The following KCNC2 variants were observed in gnomAD, a reference collection of about 807,000 sequenced individuals.
KCNC2 encodes potassium voltage-gated channel subfamily C member 2.
KCNC2 carries 21 observed loss-of-function variants against 44.5 expected under a neutral mutation model. The ratio of observed to expected loss-of-function variants is 0.47; its 90% CI spans 0.33 to 0.68. The LOEUF (loss-of-function observed/expected upper bound fraction) is 0.68, where lower values mean the gene tolerates loss of function less well. KCNC2 is among the 30% of genes least tolerant of loss of function. The pLI, the probability that KCNC2 is intolerant of heterozygous loss-of-function variation, is 0.01. For synonymous variants in KCNC2, 391 were observed against 339.1 expected (o/e 1.15, Z -1.68); for missense variants, 589 against 826.2 (o/e 0.71, Z 3.52).
chr12:75,135,893 A>C (rs1377947104), intron 2 of KCNC2, among the ~76,000 whole-genome samples: 1 of 152,016 alleles, frequency 6.6e-6, no homozygotes, highest in African/African-American at 2.4e-5. Context: ...CTAATTTAGC[A>C]TGGTTTTCCC....
intron 2 of KCNC2, among the ~76,000 whole-genome samples, chr12:75,065,136 A>T (rs909107545): frequency 1.3e-5 from 2 of 152,060 alleles, no homozygotes; most frequent in Non-Finnish European, 2.9e-5. Context: ...TGGTTTCCTT[A>T]TAAGTTAGCA....
Position 75,042,561 on chromosome 12 carries a change from T to C in KCNC2, c.*544A>G, listed in dbSNP as rs1290936954. 5 of 1,393,894 alleles carry C rather than the reference T, an allele frequency of 3.6e-6. No individual in the cohort carries two copies. Among genetic ancestry groups the C allele is most frequent in the Admixed American group, 3.0e-5 (1 of 33,782 alleles). 86.3% of individuals were successfully genotyped at this position (1,393,894 alleles called of 1,614,324 possible). ...GCAGAACAGTCGACCAATGCTTTCA[T>C]ATCAGCAGGATGGTTCGATGCAAGT... is the stretch of plus-strand genomic sequence containing the variant. On this transcript the variant is annotated 3_prime_UTR_variant, in exon 5 of 5. Coordinates refer to ENST00000549446, the MANE Select transcript of KCNC2 (RefSeq NM_139137.4).
At chr12:75,175,359 A>G (rs1306885374) in intron 2 of KCNC2, among the ~76,000 whole-genome samples, 2 of 152,038 alleles carry the variant, frequency 1.3e-5, no homozygotes, top group African/African-American at 4.8e-5. Flanking sequence ...ATCATTAGGG[A>G]ATGGCAAATA....
chr12:75,052,605 G>T (rs1881297906), intron 2 of KCNC2, among the ~76,000 whole-genome samples: 1 of 152,082 alleles, frequency 6.6e-6, no homozygotes, highest in African/African-American at 2.4e-5. Flanking sequence ...CAAGCGGAGG[G>T]AGGTTCTTAC....
chr12:75,191,183 A>G (rs1181041284), intron 2 of KCNC2, among the ~76,000 whole-genome samples: 1 of 151,896 alleles, frequency 6.6e-6, no homozygotes, highest in Non-Finnish European at 1.5e-5. Flanking sequence ...TTACTTTTTG[A>G]GATCTAAAAC....
chr12:75,174,704 G>A (rs1892063561), intron 2 of KCNC2, among the ~76,000 whole-genome samples: 1 of 151,804 alleles, frequency 6.6e-6, no homozygotes, highest in Non-Finnish European at 1.5e-5. Flanking sequence ...TGTGTCTTCT[G>A]AGTTGTAAGA....
chr12:75,097,597 C>T (rs1179232609), intron 2 of KCNC2, among the ~76,000 whole-genome samples: 1 of 151,996 alleles, frequency 6.6e-6, no homozygotes, highest in Non-Finnish European at 1.5e-5. Context: ...AATAAATTTT[C>T]TATTTTTCTA....
At chr12:75,176,499 T>C (rs1593031922) in intron 2 of KCNC2, among the ~76,000 whole-genome samples, 2 of 151,956 alleles carry the variant, frequency 1.3e-5, no homozygotes, top group South Asian at 2.1e-4. Context: ...TTTAATTCAC[T>C]ACTCTTCCCC....
intron 2 of KCNC2, among the ~76,000 whole-genome samples, chr12:75,200,530 A>T (rs1012936415): frequency 2.0e-5 from 3 of 151,822 alleles, no homozygotes; most frequent in Non-Finnish European, 4.4e-5. Context: ...TCTTACCCAC[A>T]TACAAATTTT....
chr12:75,044,019 T>C (rs1203653059), intron 4 of KCNC2, among the ~76,000 whole-genome samples: 3 of 152,004 alleles, frequency 2.0e-5, no homozygotes, highest in African/African-American at 4.8e-5. Context: ...TTGTTCATGA[T>C]AGCTACGAAC....
chr12:75,041,939 G>A lies in KCNC2; in HGVS notation c.*1166C>T, dbSNP rs1879951581. ...ATTTCTGTGCTTCATGGAGACAGATGGCATATACAGGAAAGACAGGGAGCT... is the reference window on the plus strand; with the variant it reads ...ATTTCTGTGCTTCATGGAGACAGATAGCATATACAGGAAAGACAGGGAGCT... On this transcript the variant is annotated 3_prime_UTR_variant, in exon 5 of 5. Transcript: ENST00000549446. 1 of 1,002,992 alleles carries A rather than the reference G, an allele frequency of 1.0e-6. No individual in the cohort carries two copies. The highest frequency in any genetic ancestry group is 1.2e-6 in the Non-Finnish European group (1 of 842,036). The allele number at this position is 1,002,992 out of a possible 1,614,324, so 62.1% of individuals were successfully genotyped here.
At chr12:75,159,382 C>A (rs955690350) in intron 2 of KCNC2, among the ~76,000 whole-genome samples, 35 of 151,790 alleles carry the variant, frequency 2.3e-4, no homozygotes, top group African/African-American at 8.0e-4. Flanking sequence ...AATAAAAGTT[C>A]CTTAAGTTAA....
At position 75,142,561 on chromosome 12, in the gene KCNC2, A is replaced by T. The variant is rs367913006; in HGVS notation, c.687+64736T>A. Among the ~76,000 whole-genome samples, 58 of 152,312 alleles carry T rather than the reference A, an allele frequency of 3.8e-4. 1 individual carries two copies. In the South Asian group the frequency reaches 0.011, roughly 30 times the overall value. On this transcript the variant is annotated intron_variant, in intron 2 of 4. Coordinates refer to ENST00000549446, the MANE Select transcript of KCNC2 (RefSeq NM_139137.4). The stretch of plus-strand genomic sequence containing the variant: ...ATTTTGCTCATAGATCTGTAGTTTG[A>T]GGAGGAACAGACCACTTCTGCTCCA...
intron 2 of KCNC2, among the ~76,000 whole-genome samples, chr12:75,185,088 A>G (rs547186067): frequency 2.0e-5 from 3 of 152,360 alleles, no homozygotes; most frequent in South Asian, 4.1e-4. Flanking sequence ...GATTTCAGAT[A>G]TGTTGTATTT....
intron 2 of KCNC2, among the ~76,000 whole-genome samples, chr12:75,182,528 A>AAAC (rs1555172467): frequency 1.1e-4 from 15 of 140,028 alleles, no homozygotes; most frequent in African/African-American, 3.8e-4. Flanking sequence ...CTCAAAAAAA[A>AAAC]AAAAAAAAAC....
In KCNC2 at chr12:75,048,276, A is replaced by G; in HGVS notation, c.1657T>C (p.Ser553Pro). The G allele has an allele frequency of 6.2e-7, 1 of 1,612,716 alleles. No individual in the cohort carries two copies. The highest frequency in any genetic ancestry group is 8.5e-7 in the Non-Finnish European group (1 of 1,179,274). Residue 553 changes from serine (S) to proline (P), a missense_variant, in exon 4 of 5, where the codon TCA becomes CCA. Around this residue, in one of 7 missense-constraint regions of KCNC2, gnomAD observed 171 missense variants for 182.4 expected, o/e 0.94. Coordinates refer to ENST00000549446, the MANE Select transcript of KCNC2 (RefSeq NM_139137.4). ...CTGATGGGGAGCCTTTCTGGGGGTG[A>G]TAGTGGCGGCTCACTTCCTGTACTG... ...DDSTGSEPPLSPPERLPIRRS... is the reference protein window; with the variant it reads ...DDSTGSEPPLPPPERLPIRRS...
Position 75,117,903 on chromosome 12 carries a change from T to C in KCNC2, c.688-66586A>G, listed in dbSNP as rs181347341. Reference sequence around the variant, plus strand: ...GGCATTACACAACTAAAGAGGTTACTACTCACCCATACCACAAATTGGTCC... The same window carrying C: ...GGCATTACACAACTAAAGAGGTTACCACTCACCCATACCACAAATTGGTCC... On this transcript the variant is annotated intron_variant, in intron 2 of 4. Coordinates refer to ENST00000549446, the MANE Select transcript of KCNC2 (RefSeq NM_139137.4). Among the ~76,000 whole-genome samples, 95 of 152,294 alleles carry C rather than the reference T, an allele frequency of 6.2e-4. 1 individual carries two copies. The highest frequency in any genetic ancestry group is 1.9e-3 in the Admixed American group (29 of 15,296).
intron 2 of KCNC2, among the ~76,000 whole-genome samples, chr12:75,184,265 A>C (rs900635747): frequency 2.0e-5 from 3 of 152,208 alleles, no homozygotes; most frequent in Non-Finnish European, 4.4e-5. Context: ...CTCAAAGAAC[A>C]AATTAATTTT....
At chr12:75,203,243 G>A (rs866740074) in intron 2 of KCNC2, among the ~76,000 whole-genome samples, 30 of 151,576 alleles carry the variant, frequency 2.0e-4, no homozygotes, top group African/African-American at 5.8e-4. Flanking sequence ...TGTCTTTCTT[G>A]TTTTGTTTTG....
Sources: allele counts gnomAD v4.1 joint callset (sites outside exome capture counted in the v4.1 genomes callset), GRCh38; gene constraint gnomAD v4.1.1; regional missense constraint gnomAD v4.1.1; transcripts MANE v1.5; gene names NCBI Gene and HGNC (gene_info 2026-07-23, HGNC 2026-07-21).